Variants in LPP observed in about 807,000 individuals in gnomAD.
LPP encodes the protein lipoma-preferred partner.
Under a neutral mutation model 60.4 loss-of-function variants are expected in LPP, and 38 were observed. The ratio of observed to expected loss-of-function variants is 0.63; its 90% CI spans 0.49 to 0.83. LPP has a LOEUF of 0.83. LPP is among the 40% of genes least tolerant of loss of function. The probability of loss-of-function intolerance (pLI) is 0.00; values close to 1 mark genes in which losing one functional copy is unlikely to be tolerated. For missense variants in LPP, 902 were observed against 783.6 expected (o/e 1.15, Z -1.80); for synonymous variants, 328 against 290.8 (o/e 1.13, Z -1.30).
At chr3:188,775,019 C>A (rs1483513825) in intron 9 of LPP, among the ~76,000 whole-genome samples, 1 of 151,128 alleles carries the variant, frequency 6.6e-6, no homozygotes, top group Non-Finnish European at 1.5e-5. Flanking sequence ...TCAGAATATC[C>A]TATGCTTCTA....
chr3:188,439,959 A>T (rs1432682209), intron 4 of LPP, among the ~76,000 whole-genome samples: 1 of 152,192 alleles, frequency 6.6e-6, no homozygotes, highest in Non-Finnish European at 1.5e-5. Flanking sequence ...AATTTATCTC[A>T]TCTATGCCCC....
In LPP at chr3:188,167,590, G is replaced by T. The variant is rs201765328; in HGVS notation, c.-190+13338G>T. The stretch of plus-strand genomic sequence containing the variant: ...AAAATGTTATCTTTGTGTGTGTGTT[G>T]TTTTTTTTTTTTTTTAGGATTCTCT... On this transcript the variant is annotated intron_variant, in intron 1 of 11. Coordinates refer to ENST00000617246, the MANE Select transcript of LPP (RefSeq NM_001375462.1). Among the ~76,000 whole-genome samples the T allele has an allele frequency of 1.3e-3, 178 of 139,106 alleles. 1 individual carries two copies. The highest frequency in any genetic ancestry group is 2.1e-3 in the African/African-American group (81 of 37,874). 91.3% of individuals were successfully genotyped at this position (139,106 alleles called of 152,430 possible). A position where few individuals can be genotyped will look rare whatever the true frequency, so the allele number is the denominator to read the frequency against.
chr3:188,662,669 T>C (rs1439711745), intron 7 of LPP, among the ~76,000 whole-genome samples: 1 of 152,244 alleles, frequency 6.6e-6, no homozygotes, highest in Non-Finnish European at 1.5e-5. Flanking sequence ...ATTTCCTCTC[T>C]CCTGCCCCTT....
intron 8 of LPP, among the ~76,000 whole-genome samples, chr3:188,741,245 G>A (rs150656498): frequency 2.0e-5 from 3 of 150,922 alleles, no homozygotes; most frequent in East Asian, 3.9e-4. Context: ...CTTTGAATTG[G>A]GGGGGGAAGG....
chr3:188,715,090 T>A (rs899144070), intron 8 of LPP, among the ~76,000 whole-genome samples: 5 of 152,120 alleles, frequency 3.3e-5, no homozygotes, highest in East Asian at 1.9e-4. Context: ...TAGTGATAGA[T>A]ACTTAAAAAG....
intron 7 of LPP, among the ~76,000 whole-genome samples, chr3:188,617,721 A>T (rs2151504693): frequency 6.6e-6 from 1 of 152,326 alleles, no homozygotes; most frequent in Admixed American, 6.5e-5. Context: ...GTTGTTTAAA[A>T]ATACCCCAGG....
At position 188,878,086 on chromosome 3, in the gene LPP, T is replaced by A. The variant is rs1175183038; in HGVS notation, c.*3607T>A. On this transcript the variant is annotated 3_prime_UTR_variant, in exon 12 of 12. Coordinates refer to ENST00000617246, the MANE Select transcript of LPP (RefSeq NM_001375462.1). ...GAGGGCTTTTTCCATGGGGCTATAG[T>A]AGAGAGTTAGTGGAATATAGACAGG... The A allele has an allele frequency of 4.5e-6, 1 of 220,450 alleles. No individual in the cohort carries two copies. The highest frequency in any genetic ancestry group is 2.2e-5 in the African/African-American group (1 of 44,620). The allele number at this position is 220,450 out of a possible 1,614,324, so 13.7% of individuals were successfully genotyped here.
intron 7 of LPP, among the ~76,000 whole-genome samples, chr3:188,611,238 C>T (rs748649528): frequency 3.8e-4 from 58 of 151,036 alleles, no homozygotes; most frequent in Non-Finnish European, 7.1e-4. Flanking sequence ...GATCCCTTTC[C>T]GATAGATAGA....
At position 188,365,687 on chromosome 3, in the gene LPP, C is replaced by CT. The variant is rs113781032; in HGVS notation, c.-10+23983dup. Among the ~76,000 whole-genome samples the CT allele has an allele frequency of 4.8e-3, 654 of 137,546 alleles. 2 individuals carry two copies. The highest frequency in any genetic ancestry group is 0.024 in the South Asian group (105 of 4,296). The allele number at this position is 137,546 out of a possible 152,430, so 90.2% of individuals were successfully genotyped here. A position where few individuals can be genotyped will look rare whatever the true frequency, so the allele number is the denominator to read the frequency against. Reference sequence around the variant, plus strand: ...GTCTTTCTTTCTTTCTTTTCTTCTTCTTTTTTTTTTTTTTTACTCTGTTGA... The same window carrying CT: ...GTCTTTCTTTCTTTCTTTTCTTCTTCTTTTTTTTTTTTTTTTACTCTGTTGA... On this transcript the variant is annotated intron_variant, in intron 3 of 11. Transcript: ENST00000617246.
intron 8 of LPP, among the ~76,000 whole-genome samples, chr3:188,717,246 A>C (rs1714389471): frequency 6.6e-6 from 1 of 152,240 alleles, no homozygotes; most frequent in East Asian, 1.9e-4. Flanking sequence ...CATGGGCCAT[A>C]AGATAGATGA....
At chr3:188,240,391 G>GAGAGAGAC (rs57917620) in intron 2 of LPP, among the ~76,000 whole-genome samples, 2,265 of 150,120 alleles carry the variant, frequency 0.015, 42 homozygotes, top group African/African-American at 0.051. Flanking sequence ...GAGAGACAGA[G>GAGAGAGAC]AGAGAAAGAG....
At chr3:188,814,325 A>ATC (rs1194032633) in intron 9 of LPP, among the ~76,000 whole-genome samples, 1 of 152,176 alleles carries the variant, frequency 6.6e-6, no homozygotes, top group Non-Finnish European at 1.5e-5. Flanking sequence ...AAATGTTATG[A>ATC]TCTCTCTTCA....
intron 2 of LPP, among the ~76,000 whole-genome samples, chr3:188,325,939 A>G (rs2150436600): frequency 6.6e-6 from 1 of 152,200 alleles, no homozygotes; most frequent in African/African-American, 2.4e-5. Flanking sequence ...CATGACAAGA[A>G]AGAACAAAGA....
At chr3:188,725,393 T>C (rs1189069761) in intron 8 of LPP, 1 of 152,218 alleles carries the variant, frequency 6.6e-6, no homozygotes, top group Non-Finnish European at 1.5e-5. Flanking sequence ...AGACTCAAGG[T>C]GGACTTAATT....
chr3:188,157,609 G>C (rs541293278), intron 1 of LPP, among the ~76,000 whole-genome samples: 1 of 152,156 alleles, frequency 6.6e-6, no homozygotes, highest in Non-Finnish European at 1.5e-5. Context: ...CCAGAAACTG[G>C]CTTGGCCCTG....
chr3:188,285,811 T>C (rs969895032), intron 2 of LPP, among the ~76,000 whole-genome samples: 2 of 152,214 alleles, frequency 1.3e-5, no homozygotes, highest in Non-Finnish European at 2.9e-5. Flanking sequence ...TTTCCTAGCT[T>C]GCTGTTTATC....
At chr3:188,434,717 C>G (rs1232221589) in intron 4 of LPP, among the ~76,000 whole-genome samples, 1 of 152,210 alleles carries the variant, frequency 6.6e-6, no homozygotes, top group Non-Finnish European at 1.5e-5. Context: ...AAGCACCGGA[C>G]TGGACTCAGG....
intron 4 of LPP, among the ~76,000 whole-genome samples, chr3:188,453,386 C>T (rs1355055919): frequency 1.3e-5 from 2 of 151,712 alleles, no homozygotes; most frequent in East Asian, 3.9e-4. Context: ...ACACTCTTCA[C>T]CTTGTGCTCA....
At chr3:188,546,086 A>G (rs764971130) in intron 6 of LPP, among the ~76,000 whole-genome samples, 3 of 152,156 alleles carry the variant, frequency 2.0e-5, no homozygotes, top group Non-Finnish European at 4.4e-5. Context: ...ATTAAAGTTG[A>G]CTTAATTCTC....
Sources: allele counts gnomAD v4.1 joint callset (sites outside exome capture counted in the v4.1 genomes callset), GRCh38; gene constraint gnomAD v4.1.1; transcripts MANE v1.5; gene names NCBI Gene and HGNC (gene_info 2026-07-23, HGNC 2026-07-21).